TRAPPC9: variants seen among roughly 807,000 people sequenced by gnomAD.
TRAPPC9 encodes the protein trafficking protein particle complex subunit 9.
In TRAPPC9, 83 loss-of-function variants were observed where a neutral mutation model predicts 124.0. The observed-to-expected ratio is 0.67, with a 90% CI of 0.56 to 0.80. The LOEUF (loss-of-function observed/expected upper bound fraction) is 0.80. TRAPPC9 is among the 30% of genes least tolerant of loss of function. TRAPPC9 has a pLI of 0.00. For synonymous variants in TRAPPC9, 638 were observed against 617.5 expected, an observed-to-expected ratio of 1.03 and a Z score of -0.49; for missense variants, 1,302 against 1,508.3, an observed-to-expected ratio of 0.86 and a Z score of 2.27.
At chr8:139,754,717 G>A (rs567965546) in intron 21 of TRAPPC9, among the ~76,000 whole-genome samples, 4 of 152,264 alleles carry the variant, frequency 2.6e-5, no homozygotes, top group South Asian at 4.1e-4. Flanking sequence ...AAGGTGCTGC[G>A]TGCCAGCCTC....
intron 16 of TRAPPC9, 115 bp from the exon 17 acceptor site, chr8:140,221,698 T>C (rs2063342562): frequency 7.4e-7 from 1 of 1,359,292 alleles, no homozygotes; most frequent in Admixed American, 2.0e-5. Context: ...AGTGCAGTGG[T>C]GCAATCTCTG....
At chr8:140,093,015 C>T (rs1318096293) in intron 17 of TRAPPC9, among the ~76,000 whole-genome samples, 1 of 149,530 alleles carries the variant, frequency 6.7e-6, no homozygotes, top group Non-Finnish European at 1.5e-5. Context: ...TGGCCTAATG[C>T]AAGTATCTGA....
In TRAPPC9 at chr8:139,796,157, AGAG is replaced by A. The variant is rs576585599; in HGVS notation, c.3056-63958_3056-63956del. Reference sequence around the variant, plus strand: ...AGAAGGAGGAGGAAGAGGAGGAGGAAGAGGAGGAGGAGGAGGAGAAGGATGAGG... The same window carrying A: ...AGAAGGAGGAGGAAGAGGAGGAGGAAGAGGAGGAGGAGGAGAAGGATGAGG... On this transcript the variant is annotated intron_variant, in intron 21 of 22. Coordinates refer to ENST00000438773, the MANE Select transcript of TRAPPC9 (RefSeq NM_001160372.4). 4.6e-4 allele frequency among the ~76,000 whole-genome samples: 69 copies of A among 149,674 alleles called. No individual in the cohort carries two copies. The South Asian group carries it at 5.1e-3, about 11-fold the overall frequency.
At chr8:140,342,144 C>T (rs750833526) in intron 9 of TRAPPC9, among the ~76,000 whole-genome samples, 1 of 152,102 alleles carries the variant, frequency 6.6e-6, no homozygotes, top group Non-Finnish European at 1.5e-5. Context: ...AGATGGTGGG[C>T]GGGCAAACGG....
chr8:140,094,846 T>C (rs1173178471), intron 17 of TRAPPC9: 3 of 152,340 alleles, frequency 2.0e-5, no homozygotes, highest in East Asian at 1.9e-4. Flanking sequence ...ACAGGACCAA[T>C]AGTCCTACCC....
chr8:140,074,809 G>A (rs1011971334), intron 17 of TRAPPC9, among the ~76,000 whole-genome samples: 2 of 152,138 alleles, frequency 1.3e-5, no homozygotes, highest in Non-Finnish European at 2.9e-5. Flanking sequence ...AAGAGAGAAC[G>A]TCGGGCACAG....
At chr8:139,794,237 G>C (rs1401623491) in intron 21 of TRAPPC9, among the ~76,000 whole-genome samples, 3 of 152,204 alleles carry the variant, frequency 2.0e-5, no homozygotes, top group Admixed American at 6.5e-5. Context: ...AATCCTGCCT[G>C]GCTCTGTGAC....
chr8:140,395,146 A>T (rs2069051944), intron 7 of TRAPPC9, among the ~76,000 whole-genome samples: 1 of 152,132 alleles, frequency 6.6e-6, no homozygotes, highest in Admixed American at 6.5e-5. Flanking sequence ...ACCTCTTCCT[A>T]ATGCTCTTCT....
intron 17 of TRAPPC9, among the ~76,000 whole-genome samples, chr8:140,073,717 T>C (rs1396631075): frequency 6.6e-6 from 1 of 152,190 alleles, no homozygotes; most frequent in African/African-American, 2.4e-5. Context: ...ATCATCATCA[T>C]TCTCAACACC....
chr8:140,377,340 C>T (rs1427633853), intron 7 of TRAPPC9, among the ~76,000 whole-genome samples: 1 of 151,988 alleles, frequency 6.6e-6, no homozygotes, highest in Admixed American at 6.6e-5. Flanking sequence ...CCCTTGTGGC[C>T]CAGGCTGGAG....
chr8:140,103,481 G>A (rs1297479615), intron 17 of TRAPPC9, among the ~76,000 whole-genome samples: 2 of 152,214 alleles, frequency 1.3e-5, no homozygotes, highest in African/African-American at 2.4e-5. Context: ...GGGGCAGGAA[G>A]GGACCCTACT....
chr8:140,085,123 C>T (rs1397779234), intron 17 of TRAPPC9, among the ~76,000 whole-genome samples: 7 of 152,096 alleles, frequency 4.6e-5, no homozygotes, highest in Non-Finnish European at 8.8e-5. Context: ...ACTGCAAACA[C>T]CTTTTGCAAA....
At chr8:140,020,750 T>A (rs529621835) in intron 18 of TRAPPC9, among the ~76,000 whole-genome samples, 1 of 152,374 alleles carries the variant, frequency 6.6e-6, no homozygotes, top group East Asian at 1.9e-4. Flanking sequence ...GAGATAAATG[T>A]TGACGTTTTC....
chr8:139,932,584 G>A lies in TRAPPC9; in HGVS notation c.2811-22284C>T, dbSNP rs1470198288. 7 of 450,756 alleles carry A rather than the reference G, an allele frequency of 1.6e-5. No individual in the cohort carries two copies. The East Asian group carries it at 4.9e-4, about 31-fold the overall frequency. 27.9% of individuals were successfully genotyped at this position (450,756 alleles called of 1,614,324 possible). A position where few individuals can be genotyped will look rare whatever the true frequency, so the allele number is the denominator to read the frequency against. ...TCGAGACCAGCCTGGACAACATGGTGAAACCCGTCTCTACTAATTTACAAA... is the reference window on the plus strand; with the variant it reads ...TCGAGACCAGCCTGGACAACATGGTAAAACCCGTCTCTACTAATTTACAAA... On this transcript the variant is annotated intron_variant, in intron 19 of 22. Transcript: ENST00000438773.
intron 18 of TRAPPC9, among the ~76,000 whole-genome samples, chr8:140,013,685 C>T (rs1839277648): frequency 6.6e-6 from 1 of 152,188 alleles, no homozygotes; most frequent in Non-Finnish European, 1.5e-5. Context: ...CTGGCTCATC[C>T]CTTTGTCCCT....
chr8:140,250,856 T>C (rs183011728), intron 16 of TRAPPC9, among the ~76,000 whole-genome samples: 1 of 152,290 alleles, frequency 6.6e-6, no homozygotes, highest in East Asian at 1.9e-4. Context: ...AACCACCTGG[T>C]GACCATAATT....
intron 21 of TRAPPC9, among the ~76,000 whole-genome samples, chr8:139,834,106 G>C (rs1826172091): frequency 6.6e-6 from 1 of 152,208 alleles, no homozygotes; most frequent in Non-Finnish European, 1.5e-5. Flanking sequence ...CCGGTGCATA[G>C]AGTTGTTGTA....
At chr8:140,005,224 A>G (rs149303985) in intron 18 of TRAPPC9, among the ~76,000 whole-genome samples, 4 of 152,192 alleles carry the variant, frequency 2.6e-5, no homozygotes, top group Middle Eastern at 3.4e-3. Flanking sequence ...CAAAAACCAA[A>G]CCCTCAGCTC....
intron 17 of TRAPPC9, among the ~76,000 whole-genome samples, chr8:140,089,089 A>G (rs1844396404): frequency 6.6e-6 from 1 of 152,234 alleles, no homozygotes; most frequent in Non-Finnish European, 1.5e-5. Flanking sequence ...AAACACAGAA[A>G]TAAAAACAAT....
Sources: allele counts gnomAD v4.1 joint callset (sites outside exome capture counted in the v4.1 genomes callset), GRCh38; gene constraint gnomAD v4.1.1; transcripts MANE v1.5; gene names NCBI Gene and HGNC (gene_info 2026-07-23, HGNC 2026-07-21).